IGF1R: variants seen among roughly 807,000 people sequenced by gnomAD.
IGF1R encodes insulin like growth factor 1 receptor.
Under a neutral mutation model 144.6 loss-of-function variants are expected in IGF1R, and 44 were observed. The ratio of observed to expected loss-of-function variants is 0.30; its 90% confidence interval spans 0.24 to 0.39. IGF1R has a LOEUF of 0.39. IGF1R is among the 10% of genes least tolerant of loss of function. The pLI, the probability that IGF1R is intolerant of heterozygous loss-of-function variation, is 1.00. For missense variants in IGF1R, 1,355 were observed against 1,833.7 expected, an observed-to-expected ratio of 0.74 and a Z score of 4.77; for synonymous variants, 795 against 722.8, an observed-to-expected ratio of 1.10 and a Z score of -1.60.
chr15:98,930,783 G>A (rs1376896613), intron 15 of IGF1R, among the ~76,000 whole-genome samples: 1 of 151,898 alleles, frequency 6.6e-6, no homozygotes, highest in Non-Finnish European at 1.5e-5. Flanking sequence ...TTCCGACTAG[G>A]GTCATACGCT....
chr15:98,846,588 G>GC (rs907426965), intron 2 of IGF1R, among the ~76,000 whole-genome samples: 4 of 152,182 alleles, frequency 2.6e-5, no homozygotes, highest in African/African-American at 9.7e-5. Flanking sequence ...GGTAACAGAG[G>GC]CACTGTCCAG....
intron 1 of IGF1R, among the ~76,000 whole-genome samples, chr15:98,673,480 A>C (rs2141200690): frequency 6.6e-6 from 1 of 152,274 alleles, no homozygotes; most frequent in East Asian, 1.9e-4. Flanking sequence ...GAAAGAAAAG[A>C]CTCAAATCCC....
At chr15:98,893,980 A>G (rs1046671153) in intron 3 of IGF1R, among the ~76,000 whole-genome samples, 9 of 152,244 alleles carry the variant, frequency 5.9e-5, no homozygotes, top group Non-Finnish European at 7.3e-5. Flanking sequence ...AGCTTAATCT[A>G]TAAACATGTT....
At chr15:98,824,840 T>G (rs2056863293) in intron 2 of IGF1R, among the ~76,000 whole-genome samples, 1 of 151,888 alleles carries the variant, frequency 6.6e-6, no homozygotes, top group South Asian at 2.1e-4. Context: ...ACTTTTCTTC[T>G]TCTTTTTTTT....
intron 2 of IGF1R, among the ~76,000 whole-genome samples, chr15:98,869,866 A>G (rs963097436): frequency 6.6e-6 from 1 of 152,220 alleles, no homozygotes; most frequent in African/African-American, 2.4e-5. Context: ...GTCCAGGGCT[A>G]AATTAACACC....
chr15:98,878,623 C>T (rs2013180750), intron 2 of IGF1R, among the ~76,000 whole-genome samples: 1 of 132,792 alleles, frequency 7.5e-6, no homozygotes, highest in South Asian at 2.5e-4. Context: ...AATAGTCACC[C>T]ATTCTGCAGT....
chr15:98,685,735 T>G (rs1299104031), intron 1 of IGF1R, among the ~76,000 whole-genome samples: 1 of 152,214 alleles, frequency 6.6e-6, no homozygotes, highest in African/African-American at 2.4e-5. Flanking sequence ...CTTCCAGTAT[T>G]CAGGTCTAGC....
chr15:98,785,807 G>C (rs2055978885), intron 2 of IGF1R, among the ~76,000 whole-genome samples: 1 of 152,090 alleles, frequency 6.6e-6, no homozygotes, highest in Admixed American at 6.6e-5. Context: ...AGAGGCAGGA[G>C]GGTCTGACCA....
intron 1 of IGF1R, among the ~76,000 whole-genome samples, chr15:98,661,578 G>T (rs934296171): frequency 6.6e-6 from 1 of 152,186 alleles, no homozygotes; most frequent in African/African-American, 2.4e-5. Flanking sequence ...TAGCTGGACA[G>T]CCTGGCCTGT....
chr15:98,723,890 A>G (rs960075882), intron 2 of IGF1R, among the ~76,000 whole-genome samples: 5 of 152,198 alleles, frequency 3.3e-5, no homozygotes, highest in Admixed American at 6.5e-5. Context: ...TTAGGACTGA[A>G]TGGATTTGAT....
rs1035741161 is a variant in IGF1R, at chr15:98,776,477, C to T, written c.640+68370C>T. ...CTGGGATTACAGGTGTGAGCCACTGCGCCCAGCCAGATTTTATTTCTTTAA... is the reference window on the plus strand; with the variant it reads ...CTGGGATTACAGGTGTGAGCCACTGTGCCCAGCCAGATTTTATTTCTTTAA... On this transcript the variant is annotated intron_variant, in intron 2 of 20. Coordinates refer to ENST00000650285, the MANE Select transcript of IGF1R (RefSeq NM_000875.5). Among the ~76,000 whole-genome samples, 10 of 152,170 alleles carry T rather than the reference C, an allele frequency of 6.6e-5. No homozygotes were observed. The East Asian group carries it at 7.7e-4, about 12-fold the overall frequency.
At chr15:98,812,743 T>C (rs2056617085) in intron 2 of IGF1R, among the ~76,000 whole-genome samples, 1 of 152,226 alleles carries the variant, frequency 6.6e-6, no homozygotes. Flanking sequence ...ATCTAACTAA[T>C]TTGCCCTTGC....
intron 3 of IGF1R, chr15:98,893,383 T>C (rs1283066955): frequency 2.6e-5 from 4 of 152,244 alleles, no homozygotes; most frequent in African/African-American, 9.6e-5. Context: ...CTGAATACTT[T>C]AAAATGATAA....
chr15:98,890,221 C>A (rs192637605), intron 2 of IGF1R: 1 of 152,150 alleles, frequency 6.6e-6, no homozygotes, highest in South Asian at 2.1e-4. Flanking sequence ...AAAATGAGGC[C>A]GAATTCCCAG....
chr15:98,964,024 G>A lies in IGF1R; in HGVS notation c.*6582G>A. On this transcript the variant is annotated 3_prime_UTR_variant, in exon 21 of 21. Transcript: ENST00000650285. ...TGGCGTTGCACACACACATCCACCGGTGGAAGAGACGCCCGGTGAAAACAC... is the reference window on the plus strand; with the variant it reads ...TGGCGTTGCACACACACATCCACCGATGGAAGAGACGCCCGGTGAAAACAC... 1 of 233,148 alleles carries A rather than the reference G, an allele frequency of 4.3e-6. No individual in the cohort carries two copies. The highest frequency in any genetic ancestry group is 8.5e-6 in the Non-Finnish European group (1 of 117,742). 14.4% of individuals were successfully genotyped at this position (233,148 alleles called of 1,614,324 possible).
intron 2 of IGF1R, among the ~76,000 whole-genome samples, chr15:98,751,267 C>T (rs184255786): frequency 1.3e-5 from 2 of 152,284 alleles, no homozygotes; most frequent in South Asian, 2.1e-4. Flanking sequence ...GTGGTACCAT[C>T]GTAACTCACT....
Position 98,899,485 on chromosome 15 carries a change from G to A in IGF1R, c.1111G>A (p.Ala371Thr). 1 of 1,614,140 alleles carries A rather than the reference G, an allele frequency of 6.2e-7. No individual in the cohort carries two copies. Residue 371 changes from alanine to threonine, a missense_variant, in exon 5 of 21, where the codon GCT (alanine) becomes ACT (threonine). Physicochemically the swap from Ala to Thr is moderately conservative, Grantham distance 58 (BLOSUM62 0). This residue lies in a region of IGF1R where 880 missense variants were observed against 1,202.7 expected (regional missense o/e 0.73). Transcript: ENST00000650285. ...LINIRRGNNIASELENFMGLI... is the reference protein window; with the variant it reads ...LINIRRGNNITSELENFMGLI... ...ATCCCCTTTCAATGTAGATAACATT[G>A]CTTCAGAGCTGGAGAACTTCATGGG...
intron 8 of IGF1R, among the ~76,000 whole-genome samples, chr15:98,915,337 C>T (rs1567196243): frequency 2.0e-5 from 3 of 152,236 alleles, no homozygotes; most frequent in Non-Finnish European, 4.4e-5. Flanking sequence ...CAGTTCTAAA[C>T]TGCTTTTCAG....
chr15:98,675,652 T>C (rs778252921), intron 1 of IGF1R, among the ~76,000 whole-genome samples: 1 of 152,214 alleles, frequency 6.6e-6, no homozygotes, highest in Non-Finnish European at 1.5e-5. Flanking sequence ...ATCATGCATA[T>C]TGATTCCTTG....
Sources: gnomAD v4.1 joint callset for allele counts (sites outside exome capture counted in the v4.1 genomes callset) on GRCh38, gnomAD v4.1.1 for gene constraint, gnomAD v4.1.1 regional missense constraint, MANE v1.5 for transcripts, NCBI Gene and HGNC (gene_info 2026-07-23, HGNC 2026-07-21) for gene names.